The following SPSB4 variants were observed in gnomAD, a reference collection of about 807,000 sequenced individuals.
The protein encoded by SPSB4 is splA/ryanodine receptor domain and SOCS box containing 4.
In SPSB4, 21 loss-of-function variants were observed where a neutral mutation model predicts 20.9. The ratio of observed to expected loss-of-function variants is 1.01; its 90% confidence interval spans 0.71 to 1.45. The LOEUF (loss-of-function observed/expected upper bound fraction) is 1.45, where lower values mean the gene tolerates loss of function less well. Among genes scored for constraint, SPSB4 ranks in the 40% most tolerant of loss-of-function variants. SPSB4 has a pLI of 0.00. For missense variants in SPSB4, 399 were observed against 399.2 expected, an observed-to-expected ratio of 1.00 and a Z score of 0.00; for synonymous variants, 207 against 183.8, an observed-to-expected ratio of 1.13 and a Z score of -1.02.
intron 2 of SPSB4, among the ~76,000 whole-genome samples, chr3:141,134,422 T>C (rs1036234859): frequency 2.6e-5 from 4 of 152,180 alleles, no homozygotes; most frequent in African/African-American, 9.7e-5. Context: ...CTTTCAACTT[T>C]TCCCCATTCA....
rs141589933 is a variant in SPSB4 at position 141,146,498 on chromosome 3, C to T, written c.695-644C>T. ...CTTTTCACATTAAGACACACCAGGC[C>T]GGGCGCGGTGGCTCACGCCTGTAAT... On this transcript the variant is annotated intron_variant, in intron 2 of 2. Coordinates refer to ENST00000310546, the MANE Select transcript of SPSB4 (RefSeq NM_080862.3). Among the ~76,000 whole-genome samples the T allele has an allele frequency of 6.5e-3, 987 of 152,248 alleles. 13 individuals are homozygous for T. Among genetic ancestry groups the T allele is most frequent in the African/African-American group, 0.023 (946 of 41,530 alleles).
At chr3:141,084,109 G>A (rs775260483) in intron 2 of SPSB4, among the ~76,000 whole-genome samples, 1 of 152,218 alleles carries the variant, frequency 6.6e-6, no homozygotes. Flanking sequence ...TAGAGCTCAT[G>A]TGGATTTACT....
chr3:141,100,027 C>T (rs555751099), intron 2 of SPSB4, among the ~76,000 whole-genome samples: 21 of 152,290 alleles, frequency 1.4e-4, no homozygotes, highest in African/African-American at 4.8e-4. Flanking sequence ...TCCTCTGGCT[C>T]CCCATGGCTC....
intron 2 of SPSB4, among the ~76,000 whole-genome samples, chr3:141,101,728 G>A (rs193232340): frequency 1.4e-4 from 21 of 152,208 alleles, no homozygotes; most frequent in Admixed American, 1.2e-3. Context: ...TCTTTCCCAC[G>A]TATTAATGTT....
chr3:141,101,850 G>C (rs919879784), intron 2 of SPSB4, among the ~76,000 whole-genome samples: 1 of 152,122 alleles, frequency 6.6e-6, no homozygotes, highest in African/African-American at 2.4e-5. Context: ...TCGTTTCCAC[G>C]CACCAGCCCT....
chr3:141,087,903 T>C lies in SPSB4; in HGVS notation c.694+21105T>C, dbSNP rs1186443304. ...TTCTGTACTTTACAACCTTAAATGA[T>C]AGACTTTTCTTTAGGAAACAAAAGT... On this transcript the variant is annotated intron_variant, in intron 2 of 2. Coordinates refer to ENST00000310546, the MANE Select transcript of SPSB4 (RefSeq NM_080862.3). Among the ~76,000 whole-genome samples the C allele has an allele frequency of 7.9e-5, 12 of 152,170 alleles. No individual in the cohort carries two copies. The East Asian group carries it at 1.9e-3, about 24-fold the overall frequency.
intron 2 of SPSB4, among the ~76,000 whole-genome samples, chr3:141,107,328 A>G (rs1411863994): frequency 6.6e-6 from 1 of 152,238 alleles, no homozygotes; most frequent in Non-Finnish European, 1.5e-5. Context: ...GACTATCTTA[A>G]TGGTAATGTC....
Position 141,129,266 on chromosome 3 carries a change from G to A in SPSB4, c.695-17876G>A, listed in dbSNP as rs62283601. Among the ~76,000 whole-genome samples, 1,444 of 152,294 alleles carry A rather than the reference G, an allele frequency of 9.5e-3. 15 individuals are homozygous for A. The highest frequency in any genetic ancestry group is 0.013 in the Non-Finnish European group (914 of 68,032). On this transcript the variant is annotated intron_variant, in intron 2 of 2. Transcript: ENST00000310546. Reference sequence around the variant, plus strand: ...CTCTATTGGACCTTCACAGCTCCAGGAGCCTCTCCCAAAGGCTGCCCTGCT... The same window carrying A: ...CTCTATTGGACCTTCACAGCTCCAGAAGCCTCTCCCAAAGGCTGCCCTGCT...
At chr3:141,115,961 C>T in intron 2 of SPSB4, among the ~76,000 whole-genome samples, 1 of 152,182 alleles carries the variant, frequency 6.6e-6, no homozygotes, top group East Asian at 1.9e-4. Flanking sequence ...CCACCATCCT[C>T]CTCTGGGCCT....
At chr3:141,082,127 C>T (rs1475924007) in intron 2 of SPSB4, among the ~76,000 whole-genome samples, 1 of 152,242 alleles carries the variant, frequency 6.6e-6, no homozygotes, top group Non-Finnish European at 1.5e-5. Context: ...TTGTTGAACA[C>T]ATTCCTTGTC....
At chr3:141,125,749 C>T (rs1283839868) in intron 2 of SPSB4, among the ~76,000 whole-genome samples, 1 of 152,174 alleles carries the variant, frequency 6.6e-6, no homozygotes, top group Non-Finnish European at 1.5e-5. Context: ...GGAAGGGTTG[C>T]AATTCAGCTC....
chr3:141,129,680 A>G (rs1267907573), intron 2 of SPSB4, among the ~76,000 whole-genome samples: 3 of 152,134 alleles, frequency 2.0e-5, no homozygotes, highest in Non-Finnish European at 4.4e-5. Context: ...CCCCTTGATC[A>G]CACTGCCTTT....
In SPSB4 at chr3:141,108,721, C is replaced by T. The variant is rs146848803; in HGVS notation, c.695-38421C>T. ...AAAGGGCTCTGGGTAGTGCAGGAGG[C>T]GTGGAGGAGAGAGAGAATATCAGGT... On this transcript the variant is annotated intron_variant, in intron 2 of 2. Transcript: ENST00000310546. Among the ~76,000 whole-genome samples the T allele has an allele frequency of 6.4e-3, 979 of 152,208 alleles. 7 individuals carry two copies. Among genetic ancestry groups the T allele is most frequent in the Non-Finnish European group, 9.9e-3 (673 of 68,008 alleles).
intron 2 of SPSB4, among the ~76,000 whole-genome samples, chr3:141,121,530 C>G (rs1230188473): frequency 2.6e-5 from 4 of 152,224 alleles, no homozygotes; most frequent in African/African-American, 9.6e-5. Flanking sequence ...TCCATTCTCC[C>G]CATCACTTTC....
At chr3:141,112,644 CAAAA>C (rs60396514) in intron 2 of SPSB4, among the ~76,000 whole-genome samples, 236 of 32,862 alleles carry the variant, frequency 7.2e-3, no homozygotes, top group African/African-American at 0.022. Context: ...GACTCCGTCT[CAAAA>C]AAAAAAAAAA....
chr3:141,079,625 C>G (rs1182873725), intron 2 of SPSB4, among the ~76,000 whole-genome samples: 1 of 152,178 alleles, frequency 6.6e-6, no homozygotes, highest in Admixed American at 6.5e-5. Context: ...TAGCCGGAAG[C>G]TGGGCAGCAG....
At chr3:141,126,372 C>T (rs1939050392) in intron 2 of SPSB4, among the ~76,000 whole-genome samples, 1 of 152,150 alleles carries the variant, frequency 6.6e-6, no homozygotes, top group South Asian at 2.1e-4. Flanking sequence ...AGATCTCAGA[C>T]TCAATCCTGA....
chr3:141,086,297 G>C (rs536105109), intron 2 of SPSB4, among the ~76,000 whole-genome samples: 43 of 152,332 alleles, frequency 2.8e-4, no homozygotes, highest in African/African-American at 1.0e-3. Flanking sequence ...GGCAAAGCAG[G>C]TGGGAGACAC....
chr3:141,062,029 C>T (rs1937777273), intron 1 of SPSB4, among the ~76,000 whole-genome samples: 1 of 152,200 alleles, frequency 6.6e-6, no homozygotes, highest in East Asian at 1.9e-4. Flanking sequence ...GCCACCAAGC[C>T]CAGCCCCTAA....
Sources: gnomAD v4.1 joint callset for allele counts (sites outside exome capture counted in the v4.1 genomes callset) on GRCh38, gnomAD v4.1.1 for gene constraint, MANE v1.5 for transcripts, NCBI Gene and HGNC (gene_info 2026-07-23, HGNC 2026-07-21) for gene names.